Variants in ADARB2 observed in about 807,000 individuals in gnomAD.
ADARB2 encodes the protein inactive double-stranded RNA-specific editase B2.
Under a neutral mutation model 62.2 loss-of-function variants are expected in ADARB2, and 25 were observed. The ratio of observed to expected loss-of-function variants is 0.40; its 90% CI spans 0.29 to 0.56. The LOEUF (loss-of-function observed/expected upper bound fraction) is 0.56. Among genes scored for constraint, ADARB2 ranks in the 20% least tolerant of loss-of-function variants. The pLI is 0.43. For synonymous variants in ADARB2, 572 were observed against 500.8 expected, an observed-to-expected ratio of 1.14 and a Z score of -1.90; for missense variants, 1,071 against 1,077.4, an observed-to-expected ratio of 0.99 and a Z score of 0.08.
At chr10:1,462,810 T>A (rs1044756653) in intron 1 of ADARB2, among the ~76,000 whole-genome samples, 2 of 151,858 alleles carry the variant, frequency 1.3e-5, no homozygotes, top group African/African-American at 4.9e-5. Flanking sequence ...TGTACATGTG[T>A]GTGTCTGTGT....
chr10:1,440,770 T>C lies in ADARB2; in HGVS notation c.101-61610A>G, dbSNP rs574736390. Among the ~76,000 whole-genome samples, 3 of 152,268 alleles carry C rather than the reference T, an allele frequency of 2.0e-5. No individual in the cohort carries two copies. The South Asian group carries it at 6.2e-4, about 32-fold the overall frequency. ...TGTTTCCAAAGTCCAACAGAACAAATGCATGAAATGCCAGGAGATGAAACT... is the reference window on the plus strand; with the variant it reads ...TGTTTCCAAAGTCCAACAGAACAAACGCATGAAATGCCAGGAGATGAAACT... On this transcript the variant is annotated intron_variant, in intron 1 of 9. Transcript: ENST00000381312.
chr10:1,369,103 T>G (rs1275182276), intron 2 of ADARB2, among the ~76,000 whole-genome samples: 1 of 152,194 alleles, frequency 6.6e-6, no homozygotes, highest in African/African-American at 2.4e-5. Flanking sequence ...ACTTTACAAA[T>G]TAACTTTTTT....
chr10:1,723,234 A>G (rs539947755), intron 1 of ADARB2, among the ~76,000 whole-genome samples: 1 of 152,292 alleles, frequency 6.6e-6, no homozygotes, highest in African/African-American at 2.4e-5. Flanking sequence ...AGCTTCCAGC[A>G]GTGTCTTTTC....
At chr10:1,667,306 GC>G (rs1036399759) in intron 1 of ADARB2, among the ~76,000 whole-genome samples, 2 of 152,116 alleles carry the variant, frequency 1.3e-5, no homozygotes, top group African/African-American at 4.8e-5. Context: ...GTTTTATGAG[GC>G]CTATAAAACA....
chr10:1,182,946 G>C lies in ADARB2; in HGVS notation c.*247C>G, dbSNP rs1456891133. ...GCCCCTCCCTCAGACTCCACAGGAA[G>C]AGTCGGCGCTAACTCAACAGTGCAT... On this transcript the variant is annotated 3_prime_UTR_variant, in exon 10 of 10. Transcript: ENST00000381312. 2 of 482,380 alleles carry C rather than the reference G, an allele frequency of 4.1e-6. No individual in the cohort carries two copies. Among genetic ancestry groups the C allele is most frequent in the African/African-American group, 3.9e-5 (2 of 51,164 alleles). The allele number at this position is 482,380 out of a possible 1,614,324, so 29.9% of individuals were successfully genotyped here.
intron 1 of ADARB2, among the ~76,000 whole-genome samples, chr10:1,693,037 C>G (rs1364020570): frequency 6.6e-6 from 1 of 152,172 alleles, no homozygotes; most frequent in South Asian, 2.1e-4. Context: ...AGTCTCTTCC[C>G]TCTCCAGAAG....
intron 3 of ADARB2, among the ~76,000 whole-genome samples, chr10:1,286,119 G>GA (rs1438832756): frequency 6.6e-6 from 1 of 152,120 alleles, no homozygotes; most frequent in Non-Finnish European, 1.5e-5. Context: ...AGAGAGCCAA[G>GA]AGGGGGCTTG....
chr10:1,722,561 T>G (rs1835105994), intron 1 of ADARB2, among the ~76,000 whole-genome samples: 1 of 152,206 alleles, frequency 6.6e-6, no homozygotes, highest in African/African-American at 2.4e-5. Context: ...TTTGTAATTT[T>G]CAAATTTAGT....
At chr10:1,622,735 G>A (rs1833719922) in intron 1 of ADARB2, among the ~76,000 whole-genome samples, 1 of 152,144 alleles carries the variant, frequency 6.6e-6, no homozygotes, top group Admixed American at 6.5e-5. Context: ...TCAGCATTTA[G>A]AATGCAACAG....
At chr10:1,441,512 A>G (rs1168190224) in intron 1 of ADARB2, among the ~76,000 whole-genome samples, 1 of 152,244 alleles carries the variant, frequency 6.6e-6, no homozygotes, top group East Asian at 1.9e-4. Context: ...ACAGTTAAAG[A>G]TATTTTCCAA....
chr10:1,519,194 C>T (rs958527780), intron 1 of ADARB2, among the ~76,000 whole-genome samples: 6 of 150,248 alleles, frequency 4.0e-5, no homozygotes, highest in Non-Finnish European at 5.9e-5. Context: ...TGTGGTCATA[C>T]GCCTATATTC....
At chr10:1,693,360 G>T (rs1364612124) in intron 1 of ADARB2, among the ~76,000 whole-genome samples, 1 of 152,264 alleles carries the variant, frequency 6.6e-6, no homozygotes, top group East Asian at 1.9e-4. Context: ...GTCAATGTGG[G>T]TAAGAAGACC....
chr10:1,444,311 A>ATCCATCCATC (rs760099921), intron 1 of ADARB2, among the ~76,000 whole-genome samples: 1 of 95,862 alleles, frequency 1.0e-5, no homozygotes, highest in African/African-American at 5.1e-5. Context: ...CCATCCATCC[A>ATCCATCCATC]CTCATTCATC....
intron 1 of ADARB2, among the ~76,000 whole-genome samples, chr10:1,514,713 T>G (rs1195483583): frequency 6.6e-6 from 1 of 152,222 alleles, no homozygotes; most frequent in East Asian, 1.9e-4. Context: ...AGATGGCTAC[T>G]GCACTGGACC....
At chr10:1,374,675 C>T (rs1832406598) in intron 2 of ADARB2, among the ~76,000 whole-genome samples, 1 of 152,188 alleles carries the variant, frequency 6.6e-6, no homozygotes, top group Admixed American at 6.5e-5. Flanking sequence ...TCCTCTGGCT[C>T]CCGCCGTCCG....
At chr10:1,551,661 T>C (rs1485915515) in intron 1 of ADARB2, among the ~76,000 whole-genome samples, 2 of 152,172 alleles carry the variant, frequency 1.3e-5, no homozygotes, top group South Asian at 2.1e-4. Flanking sequence ...AACCCAGAAA[T>C]GAAACAAGAA....
At chr10:1,656,392 C>T (rs140230087) in intron 1 of ADARB2, among the ~76,000 whole-genome samples, 4 of 152,266 alleles carry the variant, frequency 2.6e-5, no homozygotes, top group African/African-American at 7.2e-5. Context: ...GACTCCTAGC[C>T]CAAAGACAAA....
At chr10:1,375,773 CAT>C (rs972507753) in intron 2 of ADARB2, among the ~76,000 whole-genome samples, 13 of 151,900 alleles carry the variant, frequency 8.6e-5, no homozygotes, top group African/African-American at 2.9e-4. Flanking sequence ...CACACGCACA[CAT>C]GTGCACACAC....
Position 1,613,567 on chromosome 10 carries a change from C to T in ADARB2, c.100+123484G>A, listed in dbSNP as rs537211463. 1.1e-4 allele frequency among the ~76,000 whole-genome samples: 16 copies of T among 152,284 alleles called. 1 individual carries two copies. In the South Asian group the frequency reaches 1.7e-3, roughly 16 times the overall value. On this transcript the variant is annotated intron_variant, in intron 1 of 9. Coordinates refer to ENST00000381312, the MANE Select transcript of ADARB2 (RefSeq NM_018702.4). ...GGAGTATACAGCAGATGCTCATTTT[C>T]GTGAATGCAGAGCTGAGTAAACTAT...
Sources: gnomAD v4.1 joint callset for allele counts (sites outside exome capture counted in the v4.1 genomes callset) on GRCh38, gnomAD v4.1.1 for gene constraint, MANE v1.5 for transcripts, NCBI Gene and HGNC (gene_info 2026-07-23, HGNC 2026-07-21) for gene names.